The following DLG2 variants were observed in gnomAD, a reference collection of about 807,000 sequenced individuals.
The protein encoded by DLG2 is disks large homolog 2.
A neutral mutation model predicts 132.5 loss-of-function variants in DLG2; 45 were observed. The ratio of observed to expected loss-of-function variants is 0.34; its 90% CI spans 0.27 to 0.44. The LOEUF (loss-of-function observed/expected upper bound fraction) is 0.44, where lower values mean the gene tolerates loss of function less well. DLG2 is among the 20% of genes least tolerant of loss of function. The probability of loss-of-function intolerance (pLI) is 1.00; values close to 1 mark genes in which losing one functional copy is unlikely to be tolerated. For synonymous variants in DLG2, 424 were observed against 419.6 expected (o/e 1.01, Z -0.13); for missense variants, 1,045 against 1,196.9 (o/e 0.87, Z 1.87).
intron 21 of DLG2, among the ~76,000 whole-genome samples, chr11:83,499,895 A>ATATATATACATCTATC (rs1296866569): frequency 4.4e-5 from 5 of 114,552 alleles, no homozygotes; most frequent in African/African-American, 1.4e-4. Flanking sequence ...ATATATATAT[A>ATATATATACATCTATC]TATCAGTTCT....
intron 6 of DLG2, among the ~76,000 whole-genome samples, chr11:84,745,181 A>G (rs1378688521): frequency 6.6e-6 from 1 of 152,166 alleles, no homozygotes; most frequent in Non-Finnish European, 1.5e-5. Flanking sequence ...GGTTCATGAT[A>G]TGGTTTGGAT....
At chr11:85,350,183 C>T (rs960827385) in intron 3 of DLG2, among the ~76,000 whole-genome samples, 4 of 152,234 alleles carry the variant, frequency 2.6e-5, no homozygotes, top group Admixed American at 2.6e-4. Context: ...CATTTTTTCA[C>T]ATATCTGTTG....
At chr11:84,548,580 C>T in intron 6 of DLG2, among the ~76,000 whole-genome samples, 1 of 152,108 alleles carries the variant, frequency 6.6e-6, no homozygotes. Context: ...TGGTTTCCAG[C>T]TTCATCCATG....
intron 6 of DLG2, among the ~76,000 whole-genome samples, chr11:85,100,724 A>T (rs1338390180): frequency 6.6e-6 from 1 of 152,046 alleles, no homozygotes; most frequent in African/African-American, 2.4e-5. Flanking sequence ...CACCATCTCT[A>T]CCACAAACTC....
intron 16 of DLG2, among the ~76,000 whole-genome samples, chr11:83,843,548 A>G (rs1004864148): frequency 7.9e-5 from 12 of 152,126 alleles, no homozygotes; most frequent in Non-Finnish European, 1.5e-4. Flanking sequence ...GTTTTGTGTA[A>G]TTTTGGAAGC....
intron 19 of DLG2, among the ~76,000 whole-genome samples, chr11:83,574,785 T>A (rs1222756073): frequency 4.6e-5 from 7 of 152,284 alleles, no homozygotes; most frequent in Admixed American, 3.9e-4. Context: ...TCTAAAACGA[T>A]TGGATCCAGG....
intron 3 of DLG2, among the ~76,000 whole-genome samples, chr11:85,484,868 T>A (rs1017095938): frequency 1.3e-5 from 2 of 150,838 alleles, no homozygotes; most frequent in Non-Finnish European, 3.0e-5. Context: ...ACCCAAAGGA[T>A]TATAAATCAT....
intron 19 of DLG2, among the ~76,000 whole-genome samples, chr11:83,628,983 T>C (rs1016731953): frequency 1.3e-5 from 2 of 152,188 alleles, no homozygotes; most frequent in Non-Finnish European, 2.9e-5. Context: ...GTTTTATGTG[T>C]ATATGTATTT....
intron 6 of DLG2, among the ~76,000 whole-genome samples, chr11:84,865,101 A>C (rs1036391348): frequency 5.3e-5 from 8 of 152,278 alleles, no homozygotes; most frequent in South Asian, 2.1e-4. Flanking sequence ...CAAATATATA[A>C]AAGGTTACTC....
chr11:84,626,845 A>ACT (rs1369879444), intron 6 of DLG2, among the ~76,000 whole-genome samples: 6 of 78,960 alleles, frequency 7.6e-5, no homozygotes, highest in African/African-American at 4.9e-4. Context: ...CTCATCAATT[A>ACT]CATATTTTAT....
intron 8 of DLG2, among the ~76,000 whole-genome samples, chr11:84,218,412 G>GGAAGGAAA (rs1293008784): frequency 6.6e-6 from 1 of 151,220 alleles, no homozygotes; most frequent in Non-Finnish European, 1.5e-5. Context: ...AAGGAAGGAA[G>GGAAGGAAA]GATTGACAGA....
At chr11:84,973,895 TTG>T (rs1421345610) in intron 6 of DLG2, among the ~76,000 whole-genome samples, 2 of 152,214 alleles carry the variant, frequency 1.3e-5, no homozygotes, top group Non-Finnish European at 2.9e-5. Flanking sequence ...ATATCCTATT[TTG>T]TGTTTTTTCC....
At chr11:85,429,615 C>T (rs962493157) in intron 3 of DLG2, among the ~76,000 whole-genome samples, 1 of 152,188 alleles carries the variant, frequency 6.6e-6, no homozygotes. Flanking sequence ...AAATGCTCGT[C>T]ATCACTGGCC....
At chr11:84,537,583 T>C (rs2099358655) in intron 6 of DLG2, among the ~76,000 whole-genome samples, 1 of 152,230 alleles carries the variant, frequency 6.6e-6, no homozygotes, top group Non-Finnish European at 1.5e-5. Flanking sequence ...ATTCACTTTG[T>C]TGTGCAACAG....
At chr11:83,729,299 G>T (rs945735434) in intron 18 of DLG2, among the ~76,000 whole-genome samples, 1 of 152,150 alleles carries the variant, frequency 6.6e-6, no homozygotes, top group Non-Finnish European at 1.5e-5. Flanking sequence ...AGCTAAGGAA[G>T]GGAAGTGGAC....
At chr11:84,942,410 A>G (rs1327548163) in intron 6 of DLG2, among the ~76,000 whole-genome samples, 1 of 152,088 alleles carries the variant, frequency 6.6e-6, no homozygotes, top group African/African-American at 2.4e-5. Context: ...TTCCACAGAT[A>G]TTGGTATATT....
At chr11:85,272,603 A>G (rs188714699) in intron 4 of DLG2, among the ~76,000 whole-genome samples, 1 of 152,296 alleles carries the variant, frequency 6.6e-6, no homozygotes, top group South Asian at 2.1e-4. Context: ...ACGAAATAAA[A>G]GAGGACACAA....
chr11:85,480,889 T>A (rs1465049744), intron 3 of DLG2, among the ~76,000 whole-genome samples: 1 of 152,174 alleles, frequency 6.6e-6, no homozygotes, highest in Non-Finnish European at 1.5e-5. Context: ...AAATACCACA[T>A]GCACATTTAA....
intron 8 of DLG2, among the ~76,000 whole-genome samples, chr11:84,180,674 T>C (rs1231260700): frequency 1.3e-5 from 2 of 151,956 alleles, no homozygotes; most frequent in Non-Finnish European, 2.9e-5. Context: ...TGAAAGAAGC[T>C]AGTGGGGGCA....
Sources: allele counts gnomAD v4.1 joint callset (sites outside exome capture counted in the v4.1 genomes callset), GRCh38; gene constraint gnomAD v4.1.1; transcripts MANE v1.5; gene names NCBI Gene and HGNC (gene_info 2026-07-23, HGNC 2026-07-21).